Variants in NF1 observed in about 807,000 individuals in gnomAD.
NF1 encodes neurofibromin 1, also known as neurofibromin.
NF1 carries 122 observed loss-of-function variants against 325.7 expected under a neutral mutation model. The observed-to-expected ratio is 0.37, with a 90% confidence interval of 0.32 to 0.44. The LOEUF (loss-of-function observed/expected upper bound fraction) is 0.44. Among genes scored for constraint, NF1 ranks in the 20% least tolerant of loss-of-function variants. The pLI, the probability that NF1 is intolerant of heterozygous loss-of-function variation, is 1.00. For missense variants in NF1, 2,140 were observed against 3,415.4 expected (o/e 0.63, Z 9.31); for synonymous variants, 1,091 against 1,186.0 (o/e 0.92, Z 1.65).
rs183769816 is a variant in NF1, at chr17:31,153,569, A to C, written c.61-2414A>C. ...AATCTCCTCTTGTCAGATCCATTAGACATTCTCCTTCCACCTGCTTTCTCT... is the reference window on the plus strand; with the variant it reads ...AATCTCCTCTTGTCAGATCCATTAGCCATTCTCCTTCCACCTGCTTTCTCT... On this transcript the variant is annotated intron_variant, in intron 1 of 57. Coordinates refer to ENST00000358273, the MANE Select transcript of NF1 (RefSeq NM_001042492.3). Among the ~76,000 whole-genome samples the C allele has an allele frequency of 3.9e-5, 6 of 152,310 alleles. No individual in the cohort carries two copies. In the East Asian group the frequency reaches 1.2e-3, roughly 29 times the overall value.
At chr17:31,161,769 C>G (rs1253573872) in intron 3 of NF1, among the ~76,000 whole-genome samples, 1 of 152,184 alleles carries the variant, frequency 6.6e-6, no homozygotes, top group African/African-American at 2.4e-5. Context: ...GGCACCATGG[C>G]TCACGCCTGG....
intron 5 of NF1, among the ~76,000 whole-genome samples, chr17:31,175,187 A>T (rs1350931447): frequency 6.7e-6 from 1 of 148,518 alleles, no homozygotes; most frequent in Non-Finnish European, 1.5e-5. Context: ...AACAGGTTTG[A>T]TACAGCTTAT....
chr17:31,232,449 C>T (rs1459419615), intron 25 of NF1, among the ~76,000 whole-genome samples: 22 of 152,054 alleles, frequency 1.4e-4, no homozygotes, highest in Admixed American at 2.0e-4. Context: ...AAAAGTGACA[C>T]ATTTACCAGG....
chr17:31,260,718 C>T (rs1327460212), intron 34 of NF1, among the ~76,000 whole-genome samples: 1 of 152,048 alleles, frequency 6.6e-6, no homozygotes, highest in African/African-American at 2.4e-5. Flanking sequence ...ACCTAGGTTC[C>T]AGTGGTCATT....
In NF1 at chr17:31,095,004, C is replaced by G. The variant is rs936054021; in HGVS notation, c.-306C>G. 1.1e-5 allele frequency: 6 copies of G among 557,282 alleles called. No individual in the cohort carries two copies. The highest frequency in any genetic ancestry group is 1.6e-5 in the Non-Finnish European group (5 of 313,410). The allele number at this position is 557,282 out of a possible 1,614,324, so 34.5% of individuals were successfully genotyped here. A position where few individuals can be genotyped will look rare whatever the true frequency, so the allele number is the denominator to read the frequency against. ...TTCCGGTGGGGTGTCATGGCGGCGT[C>G]TCGGACTGTGATGGCTGTGGGGAGA... On this transcript the variant is annotated 5_prime_UTR_variant, in exon 1 of 58. Coordinates refer to ENST00000358273, the MANE Select transcript of NF1 (RefSeq NM_001042492.3).
At chr17:31,367,790 C>T (rs1477423837) in intron 57 of NF1, among the ~76,000 whole-genome samples, 1 of 151,928 alleles carries the variant, frequency 6.6e-6, no homozygotes. Flanking sequence ...TCACTTGAGT[C>T]CAGGAGTTGA....
chr17:31,281,518 A>G (rs557003341), intron 36 of NF1, among the ~76,000 whole-genome samples: 2 of 152,324 alleles, frequency 1.3e-5, no homozygotes, highest in African/African-American at 4.8e-5. Flanking sequence ...CTGTAGAAGG[A>G]TGCTTTAAAC....
intron 42 of NF1, 24 bp from the exon 43 acceptor site, chr17:31,337,339 TCTTTA>T: frequency 6.5e-7 from 1 of 1,534,128 alleles, no homozygotes; most frequent in Non-Finnish European, 9.0e-7. Flanking sequence ...ATATTTTCTG[TCTTTA>T]CTTGTTCCTT....
intron 56 of NF1, chr17:31,359,366 A>G: frequency 4.1e-6 from 1 of 242,206 alleles, no homozygotes; most frequent in Non-Finnish European, 8.1e-6. Flanking sequence ...CCATGGTTAA[A>G]ATCTATTTCA....
At chr17:31,263,967 A>G (rs2067739967) in intron 35 of NF1, among the ~76,000 whole-genome samples, 1 of 152,136 alleles carries the variant, frequency 6.6e-6, no homozygotes, top group Admixed American at 6.6e-5. Context: ...CTCCTATCAA[A>G]TGATATCTAG....
At chr17:31,373,083 A>G (rs2051507) in intron 57 of NF1, among the ~76,000 whole-genome samples, 66,223 of 152,014 alleles carry the variant, frequency 0.44, 16,801 homozygotes, top group African/African-American at 0.7. Context: ...AGAGAAATAA[A>G]TGGCATCTGT....
intron 36 of NF1, among the ~76,000 whole-genome samples, chr17:31,285,646 G>C (rs559703981): frequency 6.6e-6 from 1 of 152,104 alleles, no homozygotes; most frequent in Non-Finnish European, 1.5e-5. Context: ...CCAGGAGCTC[G>C]AGACAAACCT....
At chr17:31,295,007 C>T in intron 36 of NF1, 2 of 1,613,988 alleles carry the variant, frequency 1.2e-6, no homozygotes, top group Non-Finnish European at 8.5e-7. Context: ...AAATGCAGAC[C>T]CTCAGACAGC....
intron 4 of NF1, among the ~76,000 whole-genome samples, chr17:31,167,723 A>G (rs2065867980): frequency 6.6e-6 from 1 of 152,176 alleles, no homozygotes; most frequent in Non-Finnish European, 1.5e-5. Flanking sequence ...AAATGGAAGA[A>G]AAGTTTAATG....
chr17:31,146,419 C>T (rs542351995), intron 1 of NF1, among the ~76,000 whole-genome samples: 76 of 142,586 alleles, frequency 5.3e-4, no homozygotes, highest in Middle Eastern at 3.6e-3. Context: ...GTCCATCCAT[C>T]CATCCATCCA....
chr17:31,259,795 G>C (rs555054991), intron 33 of NF1, among the ~76,000 whole-genome samples: 64 of 152,296 alleles, frequency 4.2e-4, no homozygotes, highest in Middle Eastern at 3.4e-3. Context: ...TTTTCATGCA[G>C]TGTGAATCTA....
intron 36 of NF1, among the ~76,000 whole-genome samples, chr17:31,288,522 G>GTTTTTTTTTTTTTTTTTTTTTTTTTTT (rs200926157): frequency 8.4e-6 from 1 of 119,666 alleles, no homozygotes; most frequent in Non-Finnish European, 1.9e-5. Context: ...TTTTTGCTTT[G>GTTTTTTTTTTTTTTTTTTTTTTTTTTT]TTTTTTTTTT....
chr17:31,111,489 C>T (rs953703403), intron 1 of NF1, among the ~76,000 whole-genome samples: 3 of 152,046 alleles, frequency 2.0e-5, no homozygotes, highest in Admixed American at 6.6e-5. Flanking sequence ...CAAAGAGAAA[C>T]GCTTAAAAGC....
In NF1 at chr17:31,376,210, T is replaced by C; in HGVS notation, c.*2055T>C. 4.3e-6 allele frequency: 1 copy of C among 233,104 alleles called. No individual in the cohort carries two copies. The highest frequency in any genetic ancestry group is 8.5e-6 in the Non-Finnish European group (1 of 117,942). The allele number at this position is 233,104 out of a possible 1,614,324, so 14.4% of individuals were successfully genotyped here. ...CTGGAATAGCAGGCAGTGTAAGCCT[T>C]TGATAACTTTAGTTCGATGTTTTTC... On this transcript the variant is annotated 3_prime_UTR_variant, in exon 58 of 58. Transcript: ENST00000358273.
Sources: gnomAD v4.1 joint callset for allele counts (sites outside exome capture counted in the v4.1 genomes callset) on GRCh38, gnomAD v4.1.1 for gene constraint, MANE v1.5 for transcripts, NCBI Gene and HGNC (gene_info 2026-07-23, HGNC 2026-07-21) for gene names.